RSF1: variants seen among roughly 807,000 people sequenced by gnomAD.
RSF1 encodes HBV pX-associated protein 8.
RSF1 carries 13 observed loss-of-function variants against 145.2 expected under a neutral mutation model. The ratio of observed to expected loss-of-function variants is 0.09; its 90% CI spans 0.06 to 0.14. The LOEUF (loss-of-function observed/expected upper bound fraction) is 0.14, where lower values mean the gene tolerates loss of function less well. Among genes scored for constraint, RSF1 ranks in the 10% least tolerant of loss-of-function variants. The pLI is 1.00. For missense variants in RSF1, 1,517 were observed against 1,718.2 expected (o/e 0.88, Z 2.07); for synonymous variants, 577 against 592.6 (o/e 0.97, Z 0.38).
At chr11:77,842,670 A>ACTTCCTCATGT in the RSF1 span, 1 of 1,600,318 alleles carries the variant, frequency 6.2e-7, no homozygotes, top group Non-Finnish European at 8.5e-7. Context: ...GAGGCTGACC[A>ACTTCCTCATGT]AGTGATTTCC....
rs561927169 is a variant in RSF1 at position 77,820,088 on chromosome 11, G to C, written c.187+440C>G. Reference sequence around the variant, plus strand: ...GAGCCCAGCCTTCCCCGAGATGGTCGGGAAGACTGGTGGGAGGAGGGGAGG... The same window carrying C: ...GAGCCCAGCCTTCCCCGAGATGGTCCGGAAGACTGGTGGGAGGAGGGGAGG... On this transcript the variant is annotated intron_variant, in intron 1 of 15. Coordinates refer to ENST00000308488, the MANE Select transcript of RSF1 (RefSeq NM_016578.4). 3.3e-5 allele frequency among the ~76,000 whole-genome samples: 5 copies of C among 152,274 alleles called. No individual in the cohort carries two copies. The South Asian group carries it at 1.0e-3, about 32-fold the overall frequency.
In RSF1 at chr11:77,715,155, T is replaced by TA. The variant is rs531697197; in HGVS notation, c.733+10389dup. Among the ~76,000 whole-genome samples, 94 of 152,152 alleles carry TA rather than the reference T, an allele frequency of 6.2e-4. 1 individual carries two copies. The East Asian group carries it at 0.015, about 24-fold the overall frequency. On this transcript the variant is annotated intron_variant, in intron 5 of 15. Transcript: ENST00000308488. ...AAAGTTCTTAAATTATTGGGAATGA[T>TA]AGAGGAGTTAAAAAATTATTTAAGT...
chr11:77,772,179 CTTT>C (rs552017182), intron 1 of RSF1, among the ~76,000 whole-genome samples: 1 of 146,640 alleles, frequency 6.8e-6, no homozygotes, highest in Non-Finnish European at 1.5e-5. Context: ...GTTTCTGACA[CTTT>C]TTTTTTTTTG....
intron 5 of RSF1, among the ~76,000 whole-genome samples, chr11:77,709,862 C>T (rs564612262): frequency 5.3e-5 from 8 of 152,206 alleles, no homozygotes; most frequent in East Asian, 3.9e-4. Flanking sequence ...AGAGTCATCA[C>T]GCCAGGCTAA....
At chr11:77,762,571 C>T (rs1282405086) in intron 2 of RSF1, 1 of 152,180 alleles carries the variant, frequency 6.6e-6, no homozygotes, top group African/African-American at 2.4e-5. Context: ...TATTTCCTAA[C>T]AAAATTTCTG....
rs181192000 is a variant in RSF1, at chr11:77,776,204, C to A, written c.188-11515G>T. 1.2e-4 allele frequency among the ~76,000 whole-genome samples: 19 copies of A among 152,190 alleles called. No homozygotes were observed. The East Asian group carries it at 2.9e-3, about 23-fold the overall frequency. ...CTTCAGCCTGGGTGCCAAAGTGAGACCCTGTATCACTAAAAACAAACAAAC... is the reference window on the plus strand; with the variant it reads ...CTTCAGCCTGGGTGCCAAAGTGAGAACCTGTATCACTAAAAACAAACAAAC... On this transcript the variant is annotated intron_variant, in intron 1 of 15. Transcript: ENST00000308488.
chr11:77,786,862 CAA>C (rs1192264645), intron 1 of RSF1, among the ~76,000 whole-genome samples: 5 of 152,124 alleles, frequency 3.3e-5, no homozygotes, highest in South Asian at 2.1e-4. Flanking sequence ...ATACGAGTAA[CAA>C]AAGACTATGA....
In RSF1 at chr11:77,676,831, T is replaced by C. The variant is rs762307893; in HGVS notation, c.3302A>G (p.Asp1101Gly). ...GAATTCATCCTCGCTCTCTTCTTCA[T>C]CCAGGTTGCTATCACTGTCCAGATC... Reference protein sequence around the residue: ...LNDLDSDSNLDEEESEDEFKI... With the variant: ...LNDLDSDSNLGEEESEDEFKI... Residue 1101 changes from aspartate to glycine, a missense_variant, in exon 13 of 16, where the codon GAT becomes GGT. Physicochemically the swap from Asp to Gly is moderately conservative, Grantham distance 94. Around this residue, in one of 12 missense-constraint regions of RSF1, gnomAD observed 231 missense variants for 276.6 expected, o/e 0.84. Transcript: ENST00000308488. 3.8e-5 allele frequency: 62 copies of C among 1,613,888 alleles called. No homozygotes were observed. Among genetic ancestry groups the C allele is most frequent in the Non-Finnish European group, 4.6e-5 (54 of 1,179,926 alleles).
At position 77,702,346 on chromosome 11, in the gene RSF1, G is replaced by T. The variant is rs770331644; in HGVS notation, c.883C>A (p.Leu295Ile). ...ELVKLPVIVK[L>I]EKPLPENEEK... ...TCATTTTCTGGCAAAGGTTTTTCTAGCTTCACTATGACTGGCAGTTTCACA... is the reference window on the plus strand; with the variant it reads ...TCATTTTCTGGCAAAGGTTTTTCTATCTTCACTATGACTGGCAGTTTCACA... Residue 295 changes from leucine to isoleucine, a missense_variant, in exon 6 of 16, where the codon CTA becomes ATA. Physicochemically the swap from Leu to Ile is conservative, Grantham distance 5. Around this residue, in one of 12 missense-constraint regions of RSF1, gnomAD observed 207 missense variants for 191.4 expected, o/e 1.08. Transcript: ENST00000308488. 6.2e-7 allele frequency: 1 copy of T among 1,611,418 alleles called. No homozygotes were observed. Among genetic ancestry groups the T allele is most frequent in the Non-Finnish European group, 8.5e-7 (1 of 1,179,416 alleles).
Position 77,700,886 on chromosome 11 carries a change from T to C in RSF1, c.2343A>G (p.Ile781Met). ...VGRTLRRSPR[I>M]SRPTAKVAEI... ...CAGCCACTTTTGCAGTGGGTCTAGA[T>C]ATTCTTGGAGATCTTCTTAAAGTAC... Residue 781 changes from isoleucine (I) to methionine (M), a missense_variant, in exon 6 of 16, where the codon ATA becomes ATG. This residue lies in a region of RSF1 where 579 missense variants were observed against 553.5 expected (regional missense o/e 1.05). Transcript: ENST00000308488. 1 of 1,613,912 alleles carries C rather than the reference T, an allele frequency of 6.2e-7. No homozygotes were observed. The highest frequency in any genetic ancestry group is 1.1e-5 in the South Asian group (1 of 91,056).
the RSF1 span, among the ~76,000 whole-genome samples, chr11:77,840,483 C>T: frequency 2.6e-5 from 4 of 152,066 alleles, no homozygotes; most frequent in East Asian, 1.9e-4. Context: ...GAGCCAAGAT[C>T]GCACCACTGC....
intron 2 of RSF1, chr11:77,762,663 G>C (rs980391754): frequency 6.6e-6 from 1 of 152,204 alleles, no homozygotes; most frequent in African/African-American, 2.4e-5. Context: ...TGACTGATTT[G>C]TGTAATAATG....
intron 1 of RSF1, among the ~76,000 whole-genome samples, chr11:77,788,142 CAAAAAAAAAAAAAAA>C (rs66595170): frequency 0.13 from 443 of 3,380 alleles, 5 homozygotes; most frequent in African/African-American, 0.22. Flanking sequence ...GACACTATCT[CAAAAAAAAAAAAAAA>C]AAAAAAAAAA....
At chr11:77,772,588 T>C (rs376212104) in intron 1 of RSF1, among the ~76,000 whole-genome samples, 21 of 152,120 alleles carry the variant, frequency 1.4e-4, no homozygotes, top group African/African-American at 4.8e-4. Flanking sequence ...CAAAAAGCAC[T>C]AGAAAGTCAG....
chr11:77,865,070 G>A, the RSF1 span, among the ~76,000 whole-genome samples: 1 of 152,046 alleles, frequency 6.6e-6, no homozygotes, highest in Non-Finnish European at 1.5e-5. Context: ...TAAGGTAAAG[G>A]CCCCTATAAT....
intron 11 of RSF1, among the ~76,000 whole-genome samples, 185 bp downstream of exon 11, chr11:77,683,525 C>T (rs1348100384): frequency 2.0e-5 from 3 of 148,812 alleles, no homozygotes; most frequent in African/African-American, 5.0e-5. Flanking sequence ...CCAACAAGAG[C>T]GAGACTCAGT....
chr11:77,669,152 C>T lies in RSF1; in HGVS notation c.3752-1661G>A, dbSNP rs576244139. On this transcript the variant is annotated intron_variant, in intron 15 of 15. Transcript: ENST00000308488. Reference sequence around the variant, plus strand: ...CTTTTCTTTCTCTCATCCAACCCAACAGTAAATCCTTTGGGTCTCACTTTA... The same window carrying T: ...CTTTTCTTTCTCTCATCCAACCCAATAGTAAATCCTTTGGGTCTCACTTTA... 9.8e-5 allele frequency among the ~76,000 whole-genome samples: 15 copies of T among 152,312 alleles called. 1 individual carries two copies. The highest frequency in any genetic ancestry group is 3.4e-4 in the African/African-American group (14 of 41,568).
intron 1 of RSF1, among the ~76,000 whole-genome samples, chr11:77,780,340 T>A (rs890264544): frequency 6.6e-6 from 1 of 152,170 alleles, no homozygotes; most frequent in African/African-American, 2.4e-5. Flanking sequence ...AATTTCTAAA[T>A]CCATTAAGGA....
At chr11:77,861,619 A>G in the RSF1 span, among the ~76,000 whole-genome samples, 2 of 152,210 alleles carry the variant, frequency 1.3e-5, no homozygotes, top group African/African-American at 4.8e-5. Flanking sequence ...TTCCCTTGAC[A>G]TAACGGGCAT....
Sources: gnomAD v4.1 joint callset for allele counts (sites outside exome capture counted in the v4.1 genomes callset) on GRCh38, gnomAD v4.1.1 for gene constraint, gnomAD v4.1.1 regional missense constraint, MANE v1.5 for transcripts, NCBI Gene and HGNC (gene_info 2026-07-23, HGNC 2026-07-21) for gene names.